The following CTNNA3 variants were observed in gnomAD, a reference collection of about 807,000 sequenced individuals.
CTNNA3 encodes the protein catenin alpha 3, also known as catenin alpha-3.
CTNNA3 carries 76 observed loss-of-function variants against 95.7 expected under a neutral mutation model. That is an observed-to-expected ratio of 0.79 (90% CI 0.66 to 0.96). The LOEUF (loss-of-function observed/expected upper bound fraction) is 0.96. CTNNA3 is among the 40% of genes least tolerant of loss of function. CTNNA3 has a pLI of 0.00. For missense variants in CTNNA3, 1,191 were observed against 1,089.8 expected (o/e 1.09, Z -1.31); for synonymous variants, 431 against 374.4 (o/e 1.15, Z -1.74).
intron 1 of CTNNA3, among the ~76,000 whole-genome samples, chr10:67,656,975 A>T (rs900938771): frequency 6.6e-5 from 10 of 152,212 alleles, no homozygotes; most frequent in African/African-American, 2.4e-4. Flanking sequence ...AGGGCAAAAG[A>T]AAAAATAGGG....
chr10:67,588,156 G>A (rs1842688947), intron 3 of CTNNA3, among the ~76,000 whole-genome samples: 1 of 149,966 alleles, frequency 6.7e-6, no homozygotes. Context: ...ATCTCACCGA[G>A]CTTCCTTAAA....
intron 9 of CTNNA3, among the ~76,000 whole-genome samples, chr10:66,634,060 G>T (rs1845250947): frequency 6.6e-6 from 1 of 152,006 alleles, no homozygotes; most frequent in Non-Finnish European, 1.5e-5. Flanking sequence ...CCCCAAAATG[G>T]CAATTGTGAT....
intron 7 of CTNNA3, among the ~76,000 whole-genome samples, chr10:67,169,663 A>G (rs1424639196): frequency 6.6e-6 from 1 of 152,222 alleles, no homozygotes; most frequent in African/African-American, 2.4e-5. Context: ...GTAAAAACCA[A>G]AACTATAAAA....
intron 11 of CTNNA3, among the ~76,000 whole-genome samples, chr10:66,476,196 A>G (rs1589302768): frequency 1.5e-5 from 2 of 134,400 alleles, no homozygotes. Flanking sequence ...GGAATGACAC[A>G]TGAGTCTTAT....
At chr10:66,592,240 G>A (rs1843577847) in intron 10 of CTNNA3, among the ~76,000 whole-genome samples, 1 of 152,050 alleles carries the variant, frequency 6.6e-6, no homozygotes, top group Non-Finnish European at 1.5e-5. Context: ...TCATAGGATT[G>A]TTGTGAGAAT....
At chr10:67,502,082 T>A (rs1839249945) in intron 5 of CTNNA3, among the ~76,000 whole-genome samples, 1 of 152,210 alleles carries the variant, frequency 6.6e-6, no homozygotes, top group Non-Finnish European at 1.5e-5. Flanking sequence ...TGTGCTGGTT[T>A]TTTCCTCATC....
chr10:67,520,550 T>C (rs79705726), intron 5 of CTNNA3, among the ~76,000 whole-genome samples: 1,881 of 152,276 alleles, frequency 0.012, 44 homozygotes, highest in African/African-American at 0.042. Context: ...GGGTTTGTTA[T>C]AGTAGCACTC....
intron 17 of CTNNA3, among the ~76,000 whole-genome samples, chr10:65,944,958 C>A (rs932769719): frequency 9.2e-5 from 14 of 151,784 alleles, no homozygotes; most frequent in Admixed American, 3.9e-4. Context: ...AGGTAAGTAA[C>A]AGCTAAAGGA....
At chr10:67,550,448 A>C (rs1004375176) in intron 3 of CTNNA3, among the ~76,000 whole-genome samples, 6 of 152,140 alleles carry the variant, frequency 3.9e-5, no homozygotes, top group Non-Finnish European at 8.8e-5. Flanking sequence ...AAGTCACATA[A>C]TTTTTTGGTA....
intron 13 of CTNNA3, among the ~76,000 whole-genome samples, chr10:66,250,908 C>A (rs925937181): frequency 3.9e-5 from 6 of 152,152 alleles, no homozygotes; most frequent in African/African-American, 7.2e-5. Flanking sequence ...CATAGACCAT[C>A]AAAGGATCTG....
At chr10:67,619,585 G>T (rs373226190) in intron 2 of CTNNA3, among the ~76,000 whole-genome samples, 16 of 152,314 alleles carry the variant, frequency 1.1e-4, no homozygotes, top group African/African-American at 3.6e-4. Context: ...AGCTAGATCT[G>T]ATAGACTAGA....
At chr10:67,380,536 G>C (rs1282562307) in intron 5 of CTNNA3, among the ~76,000 whole-genome samples, 1 of 152,152 alleles carries the variant, frequency 6.6e-6, no homozygotes, top group Admixed American at 6.5e-5. Flanking sequence ...ACAGTATGTG[G>C]CATGACCTGT....
intron 5 of CTNNA3, among the ~76,000 whole-genome samples, chr10:67,230,472 TG>T (rs1449407366): frequency 6.6e-6 from 1 of 151,966 alleles, no homozygotes; most frequent in Non-Finnish European, 1.5e-5. Flanking sequence ...AGCTTTTGCA[TG>T]GCAAAAGGAA....
intron 14 of CTNNA3, among the ~76,000 whole-genome samples, chr10:66,069,917 C>T (rs2080398676): frequency 6.6e-6 from 1 of 151,926 alleles, no homozygotes. Flanking sequence ...TGTATATATG[C>T]AATTACAGGA....
intron 2 of CTNNA3, among the ~76,000 whole-genome samples, chr10:67,623,330 G>A (rs1843911787): frequency 6.6e-6 from 1 of 152,192 alleles, no homozygotes; most frequent in Non-Finnish European, 1.5e-5. Context: ...AATCAAATCT[G>A]TCTGTAGAGC....
At chr10:66,008,596 C>T (rs2078942850) in intron 15 of CTNNA3, among the ~76,000 whole-genome samples, 2 of 152,152 alleles carry the variant, frequency 1.3e-5, no homozygotes, top group Non-Finnish European at 2.9e-5. Flanking sequence ...TATCTTCATT[C>T]TCTATACGTC....
intron 9 of CTNNA3, among the ~76,000 whole-genome samples, chr10:66,636,939 G>A (rs917161585): frequency 1.3e-4 from 20 of 152,150 alleles, no homozygotes; most frequent in Admixed American, 4.6e-4. Flanking sequence ...AATGCTGATG[G>A]GCTTCATAAT....
chr10:66,397,566 A>G (rs906404581), intron 11 of CTNNA3, among the ~76,000 whole-genome samples: 4 of 151,830 alleles, frequency 2.6e-5, no homozygotes, highest in African/African-American at 9.7e-5. Context: ...TTTAATGAGT[A>G]TTTGCAGAGT....
chr10:67,280,685 G>A (rs1231445715), intron 5 of CTNNA3, among the ~76,000 whole-genome samples: 1 of 152,042 alleles, frequency 6.6e-6, no homozygotes, highest in Non-Finnish European at 1.5e-5. Context: ...GTGCATTGCA[G>A]GCATGCCCAG....
Sources: gnomAD v4.1 joint callset for allele counts (sites outside exome capture counted in the v4.1 genomes callset) on GRCh38, gnomAD v4.1.1 for gene constraint, MANE v1.5 for transcripts, NCBI Gene and HGNC (gene_info 2026-07-23, HGNC 2026-07-21) for gene names.